The following GLIS3 variants were observed in gnomAD, a reference collection of about 807,000 sequenced individuals.
GLIS3 encodes the protein GLIS family zinc finger 3, also known as zinc finger protein GLIS3.
In GLIS3, 53 loss-of-function variants were observed where a neutral mutation model predicts 78.6. The ratio of observed to expected loss-of-function variants is 0.67; its 90% CI spans 0.54 to 0.85. The LOEUF (loss-of-function observed/expected upper bound fraction) is 0.85. Ranked by LOEUF, GLIS3 falls within the 40% of genes least tolerant of loss-of-function variation. GLIS3 has a pLI of 0.00. For missense variants in GLIS3, 1,703 were observed against 1,231.1 expected (o/e 1.38, Z -5.74); for synonymous variants, 684 against 509.9 (o/e 1.34, Z -4.60).
At chr9:4,348,676 T>G (rs993052417), upstream of GLIS3, among the ~76,000 whole-genome samples, 1 of 152,144 alleles carries the variant, frequency 6.6e-6, no homozygotes, top group African/African-American at 2.4e-5. Context: ...TCCCAGTGAC[T>G]CACAATATGG....
chr9:4,352,466 G>C (rs1458455777), upstream of GLIS3, among the ~76,000 whole-genome samples: 1 of 152,276 alleles, frequency 6.6e-6, no homozygotes, highest in Admixed American at 6.5e-5. Context: ...GCATGGTGGG[G>C]CATCTTTTGG....
intron 2 of GLIS3, among the ~76,000 whole-genome samples, chr9:4,160,092 G>C (rs1284740094): frequency 6.6e-6 from 1 of 152,214 alleles, no homozygotes; most frequent in East Asian, 1.9e-4. Context: ...CAGAGGAAAA[G>C]GAGATAGCCT....
rs577941512 is a variant in GLIS3, at chr9:3,898,232, G to A, written c.2128+459C>T. Reference sequence around the variant, plus strand: ...CCCATCTCCTTTCCCACAATGGTTGGCAAACATGAATGAACATTCTTATAA... The same window carrying A: ...CCCATCTCCTTTCCCACAATGGTTGACAAACATGAATGAACATTCTTATAA... On this transcript the variant is annotated intron_variant, in intron 7 of 10. Coordinates refer to ENST00000381971, the MANE Select transcript of GLIS3 (RefSeq NM_001042413.2). The A allele has an allele frequency of 8.5e-5, 20 of 235,238 alleles. No homozygotes were observed. The South Asian group carries it at 1.2e-3, about 14-fold the overall frequency. The allele number at this position is 235,238 out of a possible 1,614,324, so 14.6% of individuals were successfully genotyped here.
intron 2 of GLIS3, among the ~76,000 whole-genome samples, chr9:4,187,832 T>C (rs1184865115): frequency 5.9e-5 from 9 of 152,176 alleles, no homozygotes; most frequent in Non-Finnish European, 1.3e-4. Context: ...CTTGTGATTT[T>C]TGCACATTGA....
chr9:3,945,254 T>C (rs1816213709), intron 4 of GLIS3, among the ~76,000 whole-genome samples: 1 of 152,220 alleles, frequency 6.6e-6, no homozygotes, highest in Non-Finnish European at 1.5e-5. Flanking sequence ...TCCATATACA[T>C]GTATCTATAA....
chr9:4,275,274 G>C (rs897945500), intron 2 of GLIS3, among the ~76,000 whole-genome samples: 132 of 152,184 alleles, frequency 8.7e-4, no homozygotes, highest in African/African-American at 3.1e-3. Flanking sequence ...GAAAAAAGGA[G>C]TAAGTGCCCA....
At chr9:4,214,360 A>G (rs1035206903) in intron 2 of GLIS3, among the ~76,000 whole-genome samples, 11 of 152,212 alleles carry the variant, frequency 7.2e-5, no homozygotes, top group African/African-American at 2.4e-4. Context: ...AAGGAAAAAC[A>G]TCTTCTGGAT....
At chr9:4,071,009 T>G (rs1472547174) in intron 4 of GLIS3, 1 of 152,208 alleles carries the variant, frequency 6.6e-6, no homozygotes, top group Non-Finnish European at 1.5e-5. Context: ...GAAGTCTTTT[T>G]TCTTCCTTTA....
intron 2 of GLIS3, among the ~76,000 whole-genome samples, chr9:4,251,768 C>T (rs1161498335): frequency 6.6e-6 from 1 of 152,156 alleles, no homozygotes; most frequent in African/African-American, 2.4e-5. Flanking sequence ...ATGTTTAGTG[C>T]TTCCTTCAGG....
chr9:3,877,005 A>G (rs542431027), intron 8 of GLIS3, among the ~76,000 whole-genome samples: 1 of 152,140 alleles, frequency 6.6e-6, no homozygotes, highest in African/African-American at 2.4e-5. Flanking sequence ...TTCTACATGT[A>G]TTCTTTTAAA....
At chr9:4,374,139 C>G in the GLIS3 span, among the ~76,000 whole-genome samples, 2 of 152,288 alleles carry the variant, frequency 1.3e-5, no homozygotes, top group African/African-American at 4.8e-5. Flanking sequence ...TACTGAAGGG[C>G]AGAGAAGGAC....
At chr9:4,403,885 A>G in the GLIS3 span, among the ~76,000 whole-genome samples, 1 of 152,174 alleles carries the variant, frequency 6.6e-6, no homozygotes, top group Non-Finnish European at 1.5e-5. Context: ...CAATAATAAT[A>G]CTGAGTGAAA....
intron 6 of GLIS3, among the ~76,000 whole-genome samples, chr9:3,925,370 G>C (rs982375570): frequency 6.6e-6 from 1 of 152,122 alleles, no homozygotes; most frequent in African/African-American, 2.4e-5. Context: ...TAAATCCTCA[G>C]AGCTGGCATG....
chr9:4,348,346 G>C (rs927597974), exon 1 of GLIS3: 11 of 80,778 alleles, frequency 1.4e-4, no homozygotes, highest in Admixed American at 8.6e-4. Context: ...GCTTTCTGAG[G>C]TTATCTCACG....
intron 2 of GLIS3, among the ~76,000 whole-genome samples, chr9:4,211,673 A>G (rs1306797774): frequency 6.6e-6 from 1 of 152,254 alleles, no homozygotes; most frequent in Non-Finnish European, 1.5e-5. Context: ...GTAAATATTT[A>G]TTCAGAAGAA....
intron 6 of GLIS3, among the ~76,000 whole-genome samples, chr9:3,914,425 C>T (rs919064785): frequency 2.0e-5 from 3 of 151,880 alleles, no homozygotes; most frequent in African/African-American, 7.3e-5. Flanking sequence ...CCTCGGCCTC[C>T]CAAATTGCTG....
chr9:4,397,785 G>T, the GLIS3 span, among the ~76,000 whole-genome samples: 1 of 151,268 alleles, frequency 6.6e-6, no homozygotes, highest in Non-Finnish European at 1.5e-5. Context: ...GGAGGGGAGG[G>T]GAGGGGAGAG....
intron 4 of GLIS3, among the ~76,000 whole-genome samples, chr9:4,072,484 G>A (rs1404594740): frequency 1.3e-5 from 2 of 152,174 alleles, no homozygotes; most frequent in Non-Finnish European, 2.9e-5. Flanking sequence ...CACTTGGACA[G>A]TAATGGGTTA....
intron 2 of GLIS3, among the ~76,000 whole-genome samples, chr9:4,336,078 CTGTT>C (rs1174000090): frequency 6.6e-6 from 1 of 152,182 alleles, no homozygotes; most frequent in Non-Finnish European, 1.5e-5. Flanking sequence ...ATTTCCCAAT[CTGTT>C]TGTTACCCAT....
Sources: allele counts gnomAD v4.1 joint callset (sites outside exome capture counted in the v4.1 genomes callset), GRCh38; gene constraint gnomAD v4.1.1; transcripts MANE v1.5; gene names NCBI Gene and HGNC (gene_info 2026-07-23, HGNC 2026-07-21).